KANK1: variants seen among roughly 807,000 people sequenced by gnomAD.
KANK1 encodes the protein KN motif and ankyrin repeat domains 1.
A neutral mutation model predicts 106.2 loss-of-function variants in KANK1; 109 were observed. That is an observed-to-expected ratio of 1.03 (90% CI 0.88 to 1.20). The LOEUF is 1.20. Ranked by LOEUF, KANK1 falls within the 50% of genes most tolerant of loss-of-function variation. The pLI is 0.00. For synonymous variants in KANK1, 873 were observed against 652.2 expected (o/e 1.34, Z -5.16); for missense variants, 2,399 against 1,710.7 (o/e 1.40, Z -7.10).
rs889947458 is a variant in KANK1, at chr9:630,247, T to TA, written c.-83-46635dup. Among the ~76,000 whole-genome samples, 36 of 127,716 alleles carry TA rather than the reference T, an allele frequency of 2.8e-4. 1 individual carries two copies. The highest frequency in any genetic ancestry group is 8.1e-4 in the African/African-American group (27 of 33,272). 83.8% of individuals were successfully genotyped at this position (127,716 alleles called of 152,430 possible). On this transcript the variant is annotated intron_variant, in intron 1 of 11. Transcript: ENST00000382297. ...TGGGCAACAGAGCGAGACTCTGTCT[T>TA]AAAAAAAAGAAAAAAAACGAGTTGG...
At chr9:642,244 C>G (rs1221246731) in intron 1 of KANK1, among the ~76,000 whole-genome samples, 1 of 143,490 alleles carries the variant, frequency 7.0e-6, no homozygotes, top group Non-Finnish European at 1.5e-5. Context: ...CATGAAAGGT[C>G]GTAGAATAAA....
chr9:721,930 T>C (rs1829445536), intron 3 of KANK1, among the ~76,000 whole-genome samples: 1 of 152,212 alleles, frequency 6.6e-6, no homozygotes, highest in African/African-American at 2.4e-5. Context: ...AAGAAGAAAT[T>C]AGAGCTGTCA....
At chr9:603,561 T>A (rs1015291447) in intron 1 of KANK1, among the ~76,000 whole-genome samples, 3 of 151,840 alleles carry the variant, frequency 2.0e-5, no homozygotes, top group Non-Finnish European at 4.4e-5. Flanking sequence ...TCCTTAACTC[T>A]AAAATCATCT....
chr9:602,997 T>A (rs1360600772), intron 1 of KANK1, among the ~76,000 whole-genome samples: 1 of 151,942 alleles, frequency 6.6e-6, no homozygotes, highest in Non-Finnish European at 1.5e-5. Flanking sequence ...TCCACAGTGA[T>A]AATTATCTTC....
At chr9:582,784 G>A (rs964281788) in intron 1 of KANK1, among the ~76,000 whole-genome samples, 4 of 152,158 alleles carry the variant, frequency 2.6e-5, no homozygotes, top group African/African-American at 7.2e-5. Flanking sequence ...TTCAGTACAA[G>A]CTGTACATAA....
In KANK1 at chr9:472,921, C is replaced by T. The variant is rs112400586; in HGVS notation, c.-441-273C>T. Reference sequence around the variant, plus strand: ...GAGCATGAACTACCCTAGGTGAGACCAGTAGAAGAACCCAGCTCAGATTAC... The same window carrying T: ...GAGCATGAACTACCCTAGGTGAGACTAGTAGAAGAACCCAGCTCAGATTAC... On this transcript the variant is annotated intron_variant, in intron 2 of 15. Coordinates refer to the KANK1 transcript ENST00000382303. 5.5e-3 allele frequency among the ~76,000 whole-genome samples: 832 copies of T among 152,226 alleles called. 5 individuals carry two copies. The highest frequency in any genetic ancestry group is 0.05 in the South Asian group (243 of 4,820).
intron 1 of KANK1, among the ~76,000 whole-genome samples, chr9:510,025 G>C (rs952321671): frequency 6.6e-6 from 1 of 151,380 alleles, no homozygotes; most frequent in Non-Finnish European, 1.5e-5. Flanking sequence ...TTGTCCAGGC[G>C]GGTCTCAAAC....
At chr9:630,828 G>A (rs1200521881) in intron 1 of KANK1, among the ~76,000 whole-genome samples, 2 of 152,042 alleles carry the variant, frequency 1.3e-5, no homozygotes. Flanking sequence ...ACTTGAACCC[G>A]GGATGTAGAG....
intron 1 of KANK1, among the ~76,000 whole-genome samples, chr9:551,056 A>G (rs1357934826): frequency 1.3e-5 from 2 of 151,940 alleles, no homozygotes; most frequent in Non-Finnish European, 2.9e-5. Flanking sequence ...CAAGATGGAA[A>G]ATGGATGGGA....
chr9:628,979 C>G (rs1835026186), intron 1 of KANK1, among the ~76,000 whole-genome samples: 1 of 150,464 alleles, frequency 6.6e-6, no homozygotes, highest in South Asian at 2.1e-4. Flanking sequence ...ACTCAGGAGG[C>G]TGAGGCAGGA....
intron 1 of KANK1, among the ~76,000 whole-genome samples, chr9:563,871 C>A (rs571780321): frequency 6.6e-6 from 1 of 152,142 alleles, no homozygotes; most frequent in African/African-American, 2.4e-5. Flanking sequence ...TAGCACAGGG[C>A]ACACATAGGT....
At chr9:644,449 G>A (rs1298731764) in intron 1 of KANK1, among the ~76,000 whole-genome samples, 2 of 150,966 alleles carry the variant, frequency 1.3e-5, no homozygotes, top group Admixed American at 1.3e-4. Context: ...CGCAGGCCAG[G>A]AAGCATGGTG....
chr9:539,159 G>A (rs1178510645), intron 1 of KANK1, among the ~76,000 whole-genome samples: 1 of 152,170 alleles, frequency 6.6e-6, no homozygotes, highest in East Asian at 1.9e-4. Flanking sequence ...GGGATTATAG[G>A]CATGAGCCAT....
upstream of KANK1, among the ~76,000 whole-genome samples, chr9:500,083 A>G (rs1267200511): frequency 6.6e-6 from 1 of 152,178 alleles, no homozygotes; most frequent in African/African-American, 2.4e-5. Context: ...TAAGAAACAG[A>G]AGGAAGGGTA....
rs147177862 is a variant in KANK1, at chr9:516,396, A to C, written c.-84+11642A>C. ...ATCACAGTTTCTCAGCTCTGGCATG[A>C]AACAGTTGGGAGAAGCGATTCAAAT... On this transcript the variant is annotated intron_variant, in intron 1 of 11. Transcript: ENST00000382297. Among the ~76,000 whole-genome samples, 5 of 151,876 alleles carry C rather than the reference A, an allele frequency of 3.3e-5. No homozygotes were observed. The East Asian group carries it at 9.6e-4, about 29-fold the overall frequency.
chr9:487,185 C>A (rs190115886), intron 3 of KANK1, among the ~76,000 whole-genome samples: 39 of 152,256 alleles, frequency 2.6e-4, no homozygotes, highest in Middle Eastern at 6.8e-3. Flanking sequence ...AGACAGTTCC[C>A]AACTTACAAT....
rs565615697 is a variant in KANK1 at position 568,435 on chromosome 9, A to G, written c.-84+63681A>G. On this transcript the variant is annotated intron_variant, in intron 1 of 11. Transcript: ENST00000382297. ...TGAGGCAGTGGATGTATTTATGTGT[A>G]AGTCTGTGGGGTTTTTTTCCTGTCT... Among the ~76,000 whole-genome samples, 132 of 152,262 alleles carry G rather than the reference A, an allele frequency of 8.7e-4. 1 individual carries two copies. The highest frequency in any genetic ancestry group is 3.0e-3 in the African/African-American group (123 of 41,552).
intron 1 of KANK1, among the ~76,000 whole-genome samples, chr9:648,817 A>G (rs1282554357): frequency 6.6e-6 from 1 of 152,196 alleles, no homozygotes; most frequent in Non-Finnish European, 1.5e-5. Context: ...GTCAGTTGTC[A>G]TGTTTGGTTT....
At chr9:709,164 A>T (rs12686466) in intron 2 of KANK1, among the ~76,000 whole-genome samples, 2 of 152,220 alleles carry the variant, frequency 1.3e-5, no homozygotes, top group African/African-American at 4.8e-5. Context: ...ACACGGAGAA[A>T]ACTCTTCCTA....
Sources: allele counts gnomAD v4.1 joint callset (sites outside exome capture counted in the v4.1 genomes callset), GRCh38; gene constraint gnomAD v4.1.1; transcripts MANE v1.5; gene names NCBI Gene and HGNC (gene_info 2026-07-23, HGNC 2026-07-21).